The following SEMA3A variants were observed in gnomAD, a reference collection of about 807,000 sequenced individuals.
The protein encoded by SEMA3A is semaphorin 3A.
SEMA3A carries 29 observed loss-of-function variants against 97.9 expected under a neutral mutation model. The ratio of observed to expected loss-of-function variants is 0.30; its 90% confidence interval spans 0.22 to 0.40. The LOEUF (loss-of-function observed/expected upper bound fraction) is 0.40, where lower values mean the gene tolerates loss of function less well. SEMA3A is among the 10% of genes least tolerant of loss of function. The pLI is 1.00. For missense variants in SEMA3A, 763 were observed against 951.3 expected (o/e 0.80, Z 2.60); for synonymous variants, 321 against 323.7 (o/e 0.99, Z 0.09).
chr7:84,029,810 T>C lies in SEMA3A; in HGVS notation c.668-15459A>G, dbSNP rs200616140. 3.4e-3 allele frequency among the ~76,000 whole-genome samples: 403 copies of C among 116,862 alleles called. 2 individuals carry two copies. The highest frequency in any genetic ancestry group is 0.012 in the African/African-American group (337 of 28,626). The allele number at this position is 116,862 out of a possible 152,430, so 76.7% of individuals were successfully genotyped here. On this transcript the variant is annotated intron_variant, in intron 6 of 16. Coordinates refer to ENST00000265362, the MANE Select transcript of SEMA3A (RefSeq NM_006080.3). ...CATTTGCACACACATCCCTTCCATA[T>C]ACACACACACACACACACACACACA...
At chr7:84,372,040 C>G (rs777519351) in intron 1 of SEMA3A, 1 of 152,060 alleles carries the variant, frequency 6.6e-6, no homozygotes, top group Non-Finnish European at 1.5e-5. Context: ...ACCTTGGAAA[C>G]ATTACTGATC....
At chr7:84,363,130 T>G (rs954474951) in intron 2 of SEMA3A, among the ~76,000 whole-genome samples, 1 of 151,938 alleles carries the variant, frequency 6.6e-6, no homozygotes, top group Admixed American at 6.6e-5. Context: ...GAAATTCTCT[T>G]TCAGCAAAAT....
chr7:84,429,011 G>T (rs533308271), intron 1 of SEMA3A, among the ~76,000 whole-genome samples: 8 of 152,116 alleles, frequency 5.3e-5, no homozygotes, highest in Admixed American at 4.6e-4. Context: ...TGAAGTTCAA[G>T]GGTGAAGTGG....
At chr7:84,353,099 T>A (rs611855) in intron 2 of SEMA3A, among the ~76,000 whole-genome samples, 110,956 of 151,660 alleles carry the variant, frequency 0.73, 41,900 homozygotes, top group East Asian at 0.96. Flanking sequence ...TATTTTAAAT[T>A]ATCACTACTT....
rs78167924 is a variant in SEMA3A at position 84,171,863 on chromosome 7, T to A, written c.112+22612A>T. On this transcript the variant is annotated intron_variant, in intron 1 of 16. Coordinates refer to ENST00000265362, the MANE Select transcript of SEMA3A (RefSeq NM_006080.3). ...TAAATTGAAACATAATTATTTTATG[T>A]CTTTTGCATTTGCTGTGTCATGAGA... 4.8e-3 allele frequency among the ~76,000 whole-genome samples: 725 copies of A among 152,320 alleles called. 5 individuals are homozygous for A. The highest frequency in any genetic ancestry group is 0.02 in the South Asian group (98 of 4,834).
At chr7:84,382,702 C>CA (rs377120252) in intron 1 of SEMA3A, among the ~76,000 whole-genome samples, 20 of 82,068 alleles carry the variant, frequency 2.4e-4, no homozygotes, top group Non-Finnish European at 3.7e-4. Context: ...ACTAAAAATC[C>CA]AAAAAAAAAA....
intron 2 of SEMA3A, among the ~76,000 whole-genome samples, chr7:84,358,440 T>C (rs531837845): frequency 2.6e-5 from 4 of 152,184 alleles, no homozygotes; most frequent in Non-Finnish European, 4.4e-5. Context: ...AAAGATCAGA[T>C]AGTTGTCAAT....
At chr7:84,081,321 G>A (rs1317823810) in intron 4 of SEMA3A, among the ~76,000 whole-genome samples, 1 of 151,960 alleles carries the variant, frequency 6.6e-6, no homozygotes, top group Non-Finnish European at 1.5e-5. Context: ...GGCCGGGCGC[G>A]GTGGCTCATG....
intron 1 of SEMA3A, among the ~76,000 whole-genome samples, chr7:84,450,956 G>T (rs1805539003): frequency 6.6e-6 from 1 of 151,800 alleles, no homozygotes; most frequent in South Asian, 2.1e-4. Context: ...TTTTCTTTAG[G>T]TTGCCTTTTC....
chr7:84,265,666 C>T (rs1467129074), intron 3 of SEMA3A, among the ~76,000 whole-genome samples: 2 of 151,570 alleles, frequency 1.3e-5, no homozygotes, highest in Admixed American at 6.6e-5. Context: ...TCTACCATGC[C>T]TGCCTGAAAA....
intron 1 of SEMA3A, among the ~76,000 whole-genome samples, chr7:84,402,761 C>A (rs1310691805): frequency 6.6e-6 from 1 of 152,118 alleles, no homozygotes; most frequent in Non-Finnish European, 1.5e-5. Flanking sequence ...CTATTACTTT[C>A]AGTAACATAC....
chr7:84,019,277 G>A (rs1376836617), intron 6 of SEMA3A, among the ~76,000 whole-genome samples: 1 of 152,004 alleles, frequency 6.6e-6, no homozygotes, highest in Non-Finnish European at 1.5e-5. Flanking sequence ...AGAGAGCCTT[G>A]TGAAGACCCA....
At chr7:84,148,422 C>T (rs1263164061) in intron 1 of SEMA3A, among the ~76,000 whole-genome samples, 6 of 152,058 alleles carry the variant, frequency 3.9e-5, no homozygotes, top group Admixed American at 6.6e-5. Context: ...TGAAAACTAA[C>T]GAATTCAAAG....
intron 1 of SEMA3A, among the ~76,000 whole-genome samples, chr7:84,376,838 T>A (rs936377346): frequency 2.0e-5 from 3 of 149,820 alleles, no homozygotes; most frequent in African/African-American, 7.4e-5. Context: ...ATATTTTTAA[T>A]CAGATTTATT....
intron 1 of SEMA3A, among the ~76,000 whole-genome samples, chr7:84,452,605 G>T (rs1057444950): frequency 3.9e-5 from 6 of 152,044 alleles, no homozygotes; most frequent in African/African-American, 1.4e-4. Context: ...TTTTAATACT[G>T]TTATGTTACT....
rs898535263 is a variant in SEMA3A, at chr7:83,961,108, A to G, written c.*263T>C. ...GAAGAAAGACAAACCTGTACAGTGA[A>G]ATCTCATAGGAAACATTAAGTCTGC... On this transcript the variant is annotated 3_prime_UTR_variant, in exon 17 of 17. Coordinates refer to ENST00000265362, the MANE Select transcript of SEMA3A (RefSeq NM_006080.3). 4.3e-6 allele frequency: 2 copies of G among 467,912 alleles called. No individual in the cohort carries two copies. The highest frequency in any genetic ancestry group is 7.7e-6 in the Non-Finnish European group (2 of 258,296). The allele number at this position is 467,912 out of a possible 1,614,324, so 29.0% of individuals were successfully genotyped here. A position where few individuals can be genotyped will look rare whatever the true frequency, so the allele number is the denominator to read the frequency against.
intron 1 of SEMA3A, among the ~76,000 whole-genome samples, chr7:84,375,495 G>T (rs1174517808): frequency 6.6e-6 from 1 of 152,004 alleles, no homozygotes; most frequent in African/African-American, 2.4e-5. Flanking sequence ...TATTTCATTT[G>T]ATCTATATGC....
intron 3 of SEMA3A, among the ~76,000 whole-genome samples, chr7:84,240,855 G>A (rs1458347580): frequency 6.6e-6 from 1 of 152,152 alleles, no homozygotes; most frequent in Non-Finnish European, 1.5e-5. Flanking sequence ...AACATGCTGT[G>A]TTTGGTTTTC....
At chr7:84,487,996 T>C (rs1409767999) in intron 1 of SEMA3A, among the ~76,000 whole-genome samples, 1 of 152,072 alleles carries the variant, frequency 6.6e-6, no homozygotes, top group Non-Finnish European at 1.5e-5. Context: ...CTGCTTGTGT[T>C]TGTAAAAGTA....
Sources: gnomAD v4.1 joint callset for allele counts (sites outside exome capture counted in the v4.1 genomes callset) on GRCh38, gnomAD v4.1.1 for gene constraint, MANE v1.5 for transcripts, NCBI Gene and HGNC (gene_info 2026-07-23, HGNC 2026-07-21) for gene names.